The following MLXIP variants were observed in gnomAD, a reference collection of about 807,000 sequenced individuals.
MLXIP encodes MLX interacting protein, also known as MLX-interacting protein.
A neutral mutation model predicts 87.2 loss-of-function variants in MLXIP; 30 were observed. That is an observed-to-expected ratio of 0.34 (90% CI 0.26 to 0.47). MLXIP has a LOEUF of 0.47. MLXIP is among the 20% of genes least tolerant of loss of function. The pLI is 1.00. For synonymous variants in MLXIP, 530 were observed against 514.0 expected, an observed-to-expected ratio of 1.03 and a Z score of -0.42; for missense variants, 1,002 against 1,240.1, an observed-to-expected ratio of 0.81 and a Z score of 2.88.
chr12:122,095,259 CTG>C (rs1198210680), intron 1 of MLXIP, among the ~76,000 whole-genome samples: 4 of 143,148 alleles, frequency 2.8e-5, no homozygotes, highest in South Asian at 2.3e-4. Flanking sequence ...TGTGCAGTGT[CTG>C]TGTGGTGTGT....
chr12:122,144,446 A>T lies in MLXIP; in HGVS notation c.*2634A>T, dbSNP rs1411608888. Reference sequence around the variant, plus strand: ...AAAAAAAAAAAAAAAAAAAAAATTTAGCCGTGTGTAGCAGTGAGTGCCTGT... The same window carrying T: ...AAAAAAAAAAAAAAAAAAAAAATTTTGCCGTGTGTAGCAGTGAGTGCCTGT... On this transcript the variant is annotated 3_prime_UTR_variant, in exon 17 of 17. Transcript: ENST00000319080. The T allele has an allele frequency of 6.7e-6, 1 of 149,964 alleles. No individual in the cohort carries two copies. Among genetic ancestry groups the T allele is most frequent in the African/African-American group, 2.5e-5 (1 of 40,588 alleles). The allele number at this position is 149,964 out of a possible 1,614,324, so 9.3% of individuals were successfully genotyped here.
intron 1 of MLXIP, among the ~76,000 whole-genome samples, chr12:122,088,798 A>G (rs773837836): frequency 4.6e-5 from 7 of 152,102 alleles, no homozygotes; most frequent in Non-Finnish European, 8.8e-5. Flanking sequence ...CACCAAAACA[A>G]AAAAACAGCT....
chr12:122,107,607 AT>A (rs1952540647), intron 1 of MLXIP, among the ~76,000 whole-genome samples: 1 of 152,196 alleles, frequency 6.6e-6, no homozygotes, highest in African/African-American at 2.4e-5. Flanking sequence ...GCTTCATTTC[AT>A]TCTTACCACA....
intron 1 of MLXIP, among the ~76,000 whole-genome samples, chr12:122,101,302 A>G (rs1018965692): frequency 2.0e-5 from 3 of 151,830 alleles, no homozygotes; most frequent in Non-Finnish European, 4.4e-5. Flanking sequence ...AGCTGCTCTT[A>G]GAGTTACACC....
chr12:122,136,772 G>A (rs187777118), intron 11 of MLXIP: 1 of 152,236 alleles, frequency 6.6e-6, no homozygotes, highest in South Asian at 2.1e-4. Flanking sequence ...ACAGGCTTTG[G>A]AGAGTAAGGA....
intron 1 of MLXIP, among the ~76,000 whole-genome samples, chr12:122,126,611 G>A (rs1448256793): frequency 6.6e-6 from 1 of 152,196 alleles, no homozygotes; most frequent in Non-Finnish European, 1.5e-5. Flanking sequence ...GGGGCTGGTG[G>A]CAAAGCAGGC....
chr12:122,122,112 C>A (rs1004364784), intron 1 of MLXIP, among the ~76,000 whole-genome samples: 3 of 151,946 alleles, frequency 2.0e-5, no homozygotes, highest in Non-Finnish European at 4.4e-5. Context: ...AGGAGGATTG[C>A]GTGTCTTGGG....
At position 122,141,223 on chromosome 12, in the gene MLXIP, G is replaced by T. The variant is rs1953196711; in HGVS notation, c.2638+140G>T. On this transcript the variant is annotated intron_variant, in intron 16 of 16. Transcript: ENST00000319080. ...GCAGGGGCACAGTGCTGTCCAGGAG[G>T]TCCTCAGTCAGGAGCGCCCAGTGGG... 5 of 1,295,926 alleles carry T rather than the reference G, an allele frequency of 3.9e-6. No individual in the cohort carries two copies. The South Asian group carries it at 6.2e-5, about 16-fold the overall frequency. The allele number at this position is 1,295,926 out of a possible 1,614,324, so 80.3% of individuals were successfully genotyped here. A position where few individuals can be genotyped will look rare whatever the true frequency, so the allele number is the denominator to read the frequency against.
Position 122,137,331 on chromosome 12 carries a change from T to A in MLXIP, c.2033-138T>A, listed in dbSNP as rs547212677. 1 of 817,688 alleles carries A rather than the reference T, an allele frequency of 1.2e-6. No homozygotes were observed. Among genetic ancestry groups the A allele is most frequent in the Non-Finnish European group, 1.8e-6 (1 of 546,004 alleles). 50.7% of individuals were successfully genotyped at this position (817,688 alleles called of 1,614,324 possible). A position where few individuals can be genotyped will look rare whatever the true frequency, so the allele number is the denominator to read the frequency against. ...TGAATAAGAATAATCTAAGGAAGCA[T>A]GTGTGTGCAGTTGAAAGAACCAAGT... On this transcript the variant is annotated intron_variant, in intron 11 of 16. Transcript: ENST00000319080. This position sits in a 1 kb window ranked among gnomAD's most constrained non-coding sequence, Gnocchi z 4.1.
At chr12:122,115,671 A>G (rs1952680253) in intron 1 of MLXIP, among the ~76,000 whole-genome samples, 1 of 152,068 alleles carries the variant, frequency 6.6e-6, no homozygotes, top group Non-Finnish European at 1.5e-5. Flanking sequence ...AAAACAAGTA[A>G]AAGACAATGA....
chr12:122,100,024 A>T (rs1203312335), intron 1 of MLXIP, among the ~76,000 whole-genome samples: 2 of 152,124 alleles, frequency 1.3e-5, no homozygotes, highest in Non-Finnish European at 1.5e-5. Context: ...GTGCAAAAAC[A>T]TGTCAGGTCT....
At position 122,093,499 on chromosome 12, in the gene MLXIP, G is replaced by A. The variant is rs1952282590; in HGVS notation, c.413+14233G>A. On this transcript the variant is annotated intron_variant, in intron 1 of 16. Transcript: ENST00000319080. ...GTTTGGTGTGTGGTGTGTGTGTGCGGTGTCTGTGTTGGTGTGTGTGGAGGG... is the reference window on the plus strand; with the variant it reads ...GTTTGGTGTGTGGTGTGTGTGTGCGATGTCTGTGTTGGTGTGTGTGGAGGG... Among the ~76,000 whole-genome samples, 21 of 139,892 alleles carry A rather than the reference G, an allele frequency of 1.5e-4. No individual in the cohort carries two copies. In the South Asian group the frequency reaches 5.0e-3, roughly 33 times the overall value. The allele number at this position is 139,892 out of a possible 152,430, so 91.8% of individuals were successfully genotyped here. A position where few individuals can be genotyped will look rare whatever the true frequency, so the allele number is the denominator to read the frequency against.
In MLXIP at chr12:122,137,426, A is replaced by AG. The variant is rs560032998; in HGVS notation, c.2033-39dup. The AG allele has an allele frequency of 2.1e-5, 34 of 1,585,676 alleles. No individual in the cohort carries two copies. In the African/African-American group the frequency reaches 3.2e-4, roughly 15 times the overall value. On this transcript the variant is annotated intron_variant, in intron 11 of 16. Transcript: ENST00000319080. This position sits in a 1 kb window ranked among gnomAD's most constrained non-coding sequence, Gnocchi z 4.1. ...CCCAGGCTGCCTCCTGGTGGCGTTG[A>AG]GGGGCCAGGCCTCCGCCCCTCAGAG... is the stretch of plus-strand genomic sequence containing the variant.
intron 1 of MLXIP, among the ~76,000 whole-genome samples, chr12:122,119,297 C>T (rs1952741641): frequency 6.6e-6 from 1 of 152,196 alleles, no homozygotes; most frequent in Admixed American, 6.5e-5. Context: ...AACAGTGCAT[C>T]TTGTAGGTCT....
In MLXIP at chr12:122,086,095, G is replaced by A. The variant is rs150695497; in HGVS notation, c.413+6829G>A. 4.1e-3 allele frequency among the ~76,000 whole-genome samples: 617 copies of A among 152,262 alleles called. 2 individuals carry two copies. The highest frequency in any genetic ancestry group is 8.9e-3 in the African/African-American group (370 of 41,548). On this transcript the variant is annotated intron_variant, in intron 1 of 16. Transcript: ENST00000319080. ...AGCTTTGAAGATGGAGGAAAGCCAC[G>A]GGATTGGGAATATGGGCCCCTCAGA... is the stretch of plus-strand genomic sequence containing the variant.
rs770167086 is a variant in MLXIP, at chr12:122,127,292, G to C, written c.450G>C (p.Lys150Asn). The C allele has an allele frequency of 1.2e-6, 2 of 1,613,896 alleles. No homozygotes were observed. The highest frequency in any genetic ancestry group is 1.6e-4 in the Middle Eastern group (1 of 6,062). Reference sequence around the variant, plus strand: ...TGTCTCCAAAGTGGAAGAATTTCAAGGGCCTGAAGCTACAGTGGAGAGACA... The same window carrying C: ...TGTCTCCAAAGTGGAAGAATTTCAACGGCCTGAAGCTACAGTGGAGAGACA... ...KLVSPKWKNF[K>N]GLKLQWRDKI... The change falls in exon 2 of 17, where the codon AAG (lysine) becomes AAC (asparagine). Residue 150 changes from lysine (K) to asparagine (N), a missense_variant. This residue lies in a region of MLXIP where 127 missense variants were observed against 239.0 expected (regional missense o/e 0.53). Coordinates refer to ENST00000319080, the MANE Select transcript of MLXIP (RefSeq NM_014938.6).
intron 1 of MLXIP, among the ~76,000 whole-genome samples, chr12:122,126,125 A>G (rs556195930): frequency 6.6e-6 from 1 of 152,316 alleles, no homozygotes; most frequent in Non-Finnish European, 1.5e-5. Context: ...GAGAAACCCT[A>G]TGCGGGCTGC....
intron 1 of MLXIP, among the ~76,000 whole-genome samples, chr12:122,096,706 C>T (rs1232130492): frequency 2.0e-5 from 3 of 152,190 alleles, no homozygotes; most frequent in African/African-American, 7.2e-5. Context: ...GCAGCATGCC[C>T]GCAGGACTGA....
intron 1 of MLXIP, among the ~76,000 whole-genome samples, chr12:122,114,892 T>C (rs1952665742): frequency 6.6e-6 from 1 of 151,916 alleles, no homozygotes; most frequent in South Asian, 2.1e-4. Flanking sequence ...ATTACAGGTA[T>C]GCGCCACTAC....
Sources: gnomAD v4.1 joint callset for allele counts (sites outside exome capture counted in the v4.1 genomes callset) on GRCh38, gnomAD v4.1.1 for gene constraint, gnomAD v4.1.1 regional missense constraint, Gnocchi (gnomAD v3.1) non-coding constraint, MANE v1.5 for transcripts, NCBI Gene and HGNC (gene_info 2026-07-23, HGNC 2026-07-21) for gene names.